The following ZDHHC14 variants were observed in gnomAD, a reference collection of about 807,000 sequenced individuals.
The protein encoded by ZDHHC14 is palmitoyltransferase ZDHHC14.
A neutral mutation model predicts 47.7 loss-of-function variants in ZDHHC14; 16 were observed. That is an observed-to-expected ratio of 0.34 (90% CI 0.23 to 0.51). The LOEUF is 0.51. ZDHHC14 is among the 20% of genes least tolerant of loss of function. ZDHHC14 has a pLI of 0.97. For synonymous variants in ZDHHC14, 293 were observed against 278.9 expected (o/e 1.05, Z -0.50); for missense variants, 515 against 662.5 (o/e 0.78, Z 2.44).
chr6:157,602,399 A>C (rs776810338), intron 3 of ZDHHC14, among the ~76,000 whole-genome samples: 2 of 149,896 alleles, frequency 1.3e-5, no homozygotes, highest in African/African-American at 2.5e-5. Flanking sequence ...CTGAGGCAGG[A>C]GAATCGCTTG....
At chr6:157,455,833 G>A (rs915553085) in intron 1 of ZDHHC14, among the ~76,000 whole-genome samples, 1 of 152,210 alleles carries the variant, frequency 6.6e-6, no homozygotes, top group African/African-American at 2.4e-5. Context: ...GTTTTAGAAA[G>A]GAAATTAGAG....
chr6:157,386,946 G>A (rs1486992002), intron 1 of ZDHHC14, among the ~76,000 whole-genome samples: 1 of 152,184 alleles, frequency 6.6e-6, no homozygotes, highest in Non-Finnish European at 1.5e-5. Flanking sequence ...GGGGCAGAAT[G>A]AAGGAAACAA....
At chr6:157,519,118 A>G (rs768891456) in intron 1 of ZDHHC14, among the ~76,000 whole-genome samples, 14 of 152,000 alleles carry the variant, frequency 9.2e-5, no homozygotes, top group Non-Finnish European at 1.6e-4. Flanking sequence ...AGAAACATAG[A>G]TGGAGGGAGT....
chr6:157,465,628 G>A (rs1199363307), intron 1 of ZDHHC14, among the ~76,000 whole-genome samples: 2 of 152,252 alleles, frequency 1.3e-5, no homozygotes, highest in African/African-American at 2.4e-5. Flanking sequence ...AATCTTCAAG[G>A]TCAGTCTTCT....
intron 1 of ZDHHC14, among the ~76,000 whole-genome samples, chr6:157,386,633 T>C (rs1777317306): frequency 6.6e-6 from 1 of 152,160 alleles, no homozygotes; most frequent in Non-Finnish European, 1.5e-5. Flanking sequence ...ATGCACTGTG[T>C]GGAGTACTGA....
At chr6:157,442,869 T>G (rs1778588408) in intron 1 of ZDHHC14, among the ~76,000 whole-genome samples, 1 of 152,212 alleles carries the variant, frequency 6.6e-6, no homozygotes, top group African/African-American at 2.4e-5. Flanking sequence ...AAGACCTTTT[T>G]CAAGGAAGGC....
At chr6:157,474,912 CCCATCTGT>C (rs200051550) in intron 1 of ZDHHC14, among the ~76,000 whole-genome samples, 2,882 of 152,110 alleles carry the variant, frequency 0.019, 94 homozygotes, top group African/African-American at 0.066. Flanking sequence ...TTGATGTAAC[CCCATCTGT>C]CTATTTTGCT....
intron 1 of ZDHHC14, among the ~76,000 whole-genome samples, chr6:157,455,967 G>C (rs778032937): frequency 1.3e-5 from 2 of 152,144 alleles, no homozygotes; most frequent in African/African-American, 4.8e-5. Context: ...TCTGACTTGT[G>C]GGGGAAAGAA....
rs180705143 is a variant in ZDHHC14, at chr6:157,522,555, C to A, written c.246-20030C>A. On this transcript the variant is annotated intron_variant, in intron 1 of 8. Coordinates refer to ENST00000359775, the MANE Select transcript of ZDHHC14 (RefSeq NM_024630.3). ...ATAACTCACATAGGAAATACAGGCT[C>A]AGGAAACAGAAAGCACAGCAAACTT... Among the ~76,000 whole-genome samples the A allele has an allele frequency of 3.0e-4, 46 of 152,002 alleles. 2 individuals are homozygous for A. The highest frequency in any genetic ancestry group is 2.9e-3 in the Admixed American group (45 of 15,260).
At chr6:157,540,888 A>ATGTGTGTGTGTGTGTGTG (rs1171821046) in intron 1 of ZDHHC14, among the ~76,000 whole-genome samples, 7 of 127,576 alleles carry the variant, frequency 5.5e-5, no homozygotes, top group Admixed American at 2.3e-4. Context: ...ATATGTATGT[A>ATGTGTGTGTGTGTGTGTG]TGTGTGTGTG....
At chr6:157,602,837 G>A (rs570823207) in intron 3 of ZDHHC14, among the ~76,000 whole-genome samples, 28 of 152,298 alleles carry the variant, frequency 1.8e-4, no homozygotes, top group African/African-American at 6.0e-4. Flanking sequence ...CAGCCCCTTC[G>A]TGCTAGCCTG....
chr6:157,497,468 G>A (rs951711930), intron 1 of ZDHHC14, among the ~76,000 whole-genome samples: 5 of 152,216 alleles, frequency 3.3e-5, no homozygotes, highest in African/African-American at 1.2e-4. Context: ...GTTGCCTCAT[G>A]TGGGGTGTGG....
intron 1 of ZDHHC14, among the ~76,000 whole-genome samples, chr6:157,445,087 C>T (rs1778634495): frequency 6.9e-6 from 1 of 145,458 alleles, no homozygotes; most frequent in African/African-American, 2.6e-5. Flanking sequence ...TGGCATGGGT[C>T]TTAGCACTGC....
rs758880037 is a variant in ZDHHC14 at position 157,586,050 on chromosome 6, C to T, written c.407-6938C>T. On this transcript the variant is annotated intron_variant, in intron 2 of 8. Coordinates refer to ENST00000359775, the MANE Select transcript of ZDHHC14 (RefSeq NM_024630.3). This position sits in a 1 kb window ranked among gnomAD's most constrained non-coding sequence, Gnocchi z 4.6. ...GATGGGGACTTGAAAGTGGATAGGC[C>T]GTGGTCACTGCCCTGGAGCAGCAGG... 1.3e-3 allele frequency among the ~76,000 whole-genome samples: 192 copies of T among 152,256 alleles called. No individual in the cohort carries two copies. Among genetic ancestry groups the T allele is most frequent in the Non-Finnish European group, 2.5e-3 (172 of 68,028 alleles).
At chr6:157,576,334 A>G (rs775691368) in intron 2 of ZDHHC14, among the ~76,000 whole-genome samples, 17 of 152,258 alleles carry the variant, frequency 1.1e-4, no homozygotes, top group South Asian at 6.2e-4. Flanking sequence ...GAAACAATGT[A>G]TATAGACAGA....
chr6:157,381,689 CGCGAGGGGGCGG>C lies in ZDHHC14; in HGVS notation c.-329_-318del, dbSNP rs1211767029. The C allele has an allele frequency of 8.3e-5, 12 of 144,952 alleles. No individual in the cohort carries two copies. Among genetic ancestry groups the C allele is most frequent in the African/African-American group, 2.7e-4 (11 of 40,320 alleles). The allele number at this position is 144,952 out of a possible 1,614,324, so 9.0% of individuals were successfully genotyped here. A position where few individuals can be genotyped will look rare whatever the true frequency, so the allele number is the denominator to read the frequency against. ...GGCTGCGGGGCCGAGCGGGCAGCCGCGCGAGGGGGCGGGCGCTCGGCGACCCGGGGGCCGGCC... is the reference window on the plus strand; with the variant it reads ...GGCTGCGGGGCCGAGCGGGCAGCCGCGCGCTCGGCGACCCGGGGGCCGGCC... On this transcript the variant is annotated 5_prime_UTR_variant, in exon 1 of 9. Transcript: ENST00000359775.
intron 2 of ZDHHC14, among the ~76,000 whole-genome samples, chr6:157,573,961 C>T (rs72565463): frequency 6.6e-5 from 10 of 150,906 alleles, no homozygotes; most frequent in Admixed American, 2.6e-4. Context: ...ACCTCGGGGT[C>T]GGGGGGGAAG....
At position 157,653,636 on chromosome 6, in the gene ZDHHC14, G is replaced by A. The variant is rs188627824; in HGVS notation, c.1068+9G>A. ...AGTCACAGAGTGACATGGTAGGAGT[G>A]GGGGCCACTGCTCCCTGCGAGGGCT... On this transcript the variant is annotated intron_variant, in intron 8 of 8. Coordinates refer to ENST00000359775, the MANE Select transcript of ZDHHC14 (RefSeq NM_024630.3). 357 of 1,611,550 alleles carry A rather than the reference G, an allele frequency of 2.2e-4. 1 individual carries two copies. In the African/African-American group the frequency reaches 2.3e-3, roughly 10 times the overall value.
At chr6:157,585,274 C>T (rs1340349191) in intron 2 of ZDHHC14, among the ~76,000 whole-genome samples, 2 of 152,082 alleles carry the variant, frequency 1.3e-5, no homozygotes, top group Non-Finnish European at 1.5e-5. Context: ...AGGTTTTCCC[C>T]CCAAAATTCT....
Sources: allele counts gnomAD v4.1 joint callset (sites outside exome capture counted in the v4.1 genomes callset), GRCh38; gene constraint gnomAD v4.1.1; non-coding constraint Gnocchi (gnomAD v3.1); transcripts MANE v1.5; gene names NCBI Gene and HGNC (gene_info 2026-07-23, HGNC 2026-07-21).